Variants in MAN2C1 observed in about 807,000 individuals in gnomAD.
The protein encoded by MAN2C1 is alpha-mannosidase 2C1.
In MAN2C1, 111 loss-of-function variants were observed where a neutral mutation model predicts 126.9. That is an observed-to-expected ratio of 0.87 (90% CI 0.75 to 1.02). The LOEUF (loss-of-function observed/expected upper bound fraction) is 1.02. Among genes scored for constraint, MAN2C1 ranks in the 50% least tolerant of loss-of-function variants. The probability of loss-of-function intolerance (pLI) is 0.00; values close to 1 mark genes in which losing one functional copy is unlikely to be tolerated. For synonymous variants in MAN2C1, 567 were observed against 561.5 expected, an observed-to-expected ratio of 1.01 and a Z score of -0.14; for missense variants, 1,363 against 1,364.4, an observed-to-expected ratio of 1.00 and a Z score of 0.02.
rs766818364 is a variant in MAN2C1 at position 75,361,633 on chromosome 15, A to G, written c.1189T>C (p.Leu397=). The G allele has an allele frequency of 4.3e-6, 7 of 1,613,934 alleles. No homozygotes were observed. The highest frequency in any genetic ancestry group is 3.3e-5 in the Admixed American group (2 of 60,010). The change falls in exon 10 of 26, where the codon TTG becomes CTG. Residue 397 remains leucine (L), a synonymous_variant. Coordinates refer to ENST00000267978, the MANE Select transcript of MAN2C1 (RefSeq NM_006715.4). This position sits in a 1 kb window ranked among gnomAD's most constrained non-coding sequence, Gnocchi z 5.0. ...AAGGAGTTCACCAAATTCCAGCTCAATTTCTGGGTGAGAAAGCGCCTGATG... is the reference window on the plus strand; with the variant it reads ...AAGGAGTTCACCAAATTCCAGCTCAGTTTCTGGGTGAGAAAGCGCCTGATG... ...CGIRRFLTQK[L]SWNLVNSFPH...
intron 12 of MAN2C1, 156 bp downstream of exon 12, chr15:75,360,890 C>T (rs538032429): frequency 2.5e-6 from 3 of 1,210,728 alleles, no homozygotes; most frequent in South Asian, 1.6e-5. Context: ...GCTTCTCCCC[C>T]ACCCACCCCC....
At chr15:75,367,730 G>A in intron 2 of MAN2C1, 96 bp from the exon 3 acceptor site, 1 of 1,483,360 alleles carries the variant, frequency 6.7e-7, no homozygotes, top group South Asian at 1.2e-5. Flanking sequence ...AACTCTCCAA[G>A]CATCTGCAGT....
In MAN2C1 at chr15:75,356,745, A is replaced by T; in HGVS notation, c.2657+48T>A. ...AGCTGTTGGAGTTGTGGTCGGGAAG[A>T]CCCATTTCTCCATGCCAGCTCCCAG... is the stretch of plus-strand genomic sequence containing the variant. On this transcript the variant is annotated intron_variant, in intron 22 of 25. Coordinates refer to ENST00000267978, the MANE Select transcript of MAN2C1 (RefSeq NM_006715.4). The surrounding 1 kb of genome is among the most constrained non-coding windows in gnomAD (Gnocchi z 5.8). 6.2e-7 allele frequency: 1 copy of T among 1,612,480 alleles called. No homozygotes were observed. The highest frequency in any genetic ancestry group is 8.5e-7 in the Non-Finnish European group (1 of 1,178,926).
chr15:75,356,702 G>A lies in MAN2C1; in HGVS notation c.2658-17C>T, dbSNP rs1370675709. 17 of 1,607,260 alleles carry A rather than the reference G, an allele frequency of 1.1e-5. No individual in the cohort carries two copies. The highest frequency in any genetic ancestry group is 3.3e-5 in the South Asian group (3 of 90,332). On this transcript the variant is annotated splice_polypyrimidine_tract_variant and intron_variant, in intron 22 of 25. Transcript: ENST00000267978. The surrounding 1 kb of genome is among the most constrained non-coding windows in gnomAD (Gnocchi z 5.8). ...GCCCGCAAGCTGGGGTGAGGAGGGC[G>A]CGTAGGGGCCACGCTGAAGCTGTTG...
rs758519923 is a variant in MAN2C1, at chr15:75,356,378, G to A, written c.2809C>T (p.Pro937Ser). 7 of 1,611,766 alleles carry A rather than the reference G, an allele frequency of 4.3e-6. No homozygotes were observed. The East Asian group carries it at 1.3e-4, about 31-fold the overall frequency. The change falls in exon 24 of 26, where the codon CCC (proline) becomes TCC (serine). Residue 937 changes from proline to serine, a missense_variant. This residue lies in a region of MAN2C1 where 668 missense variants were observed against 650.1 expected (regional missense o/e 1.03). Coordinates refer to ENST00000267978, the MANE Select transcript of MAN2C1 (RefSeq NM_006715.4). This position sits in a 1 kb window ranked among gnomAD's most constrained non-coding sequence, Gnocchi z 5.8. ...CAGGAGGTGGCGGGCGCTGGGCTGG[G>A]GGCTGGCAGAGCCAACAGGGGGAAG... ...LNFPLLALPA[P>S]SPAPATSWSA...
At position 75,358,627 on chromosome 15, in the gene MAN2C1, CA is replaced by C. The variant is rs1567274031; in HGVS notation, c.2247-10del. The C allele has an allele frequency of 6.2e-7, 1 of 1,612,600 alleles. No individual in the cohort carries two copies. Among genetic ancestry groups the C allele is most frequent in the South Asian group, 1.1e-5 (1 of 91,008 alleles). ...GGCCCAGCACAGGCTTCCTATGGGA[CA>C]GGGGTGGACATACTGATCCAGAGCA... On this transcript the variant is annotated splice_polypyrimidine_tract_variant and intron_variant, in intron 19 of 25. Coordinates refer to ENST00000267978, the MANE Select transcript of MAN2C1 (RefSeq NM_006715.4).
chr15:75,364,856 T>C (rs748079290), intron 4 of MAN2C1, among the ~76,000 whole-genome samples, 191 bp from the exon 5 acceptor site: 2 of 152,220 alleles, frequency 1.3e-5, no homozygotes, highest in Non-Finnish European at 2.9e-5. Context: ...ATGGATCCCA[T>C]GTCTTGCTGT....
Position 75,363,934 on chromosome 15 carries a change from G to C in MAN2C1, c.790+65C>G, listed in dbSNP as rs779514784. 6 of 1,558,046 alleles carry C rather than the reference G, an allele frequency of 3.9e-6. No individual in the cohort carries two copies. In the African/African-American group the frequency reaches 6.8e-5, roughly 18 times the overall value. On this transcript the variant is annotated intron_variant, in intron 6 of 25. Transcript: ENST00000267978. ...TGCTGAGCATCACACAGTGCTTCTA[G>C]GGCACATCCAGGTCTTCAAGGGCAC...
intron 1 of MAN2C1, 64 bp downstream of exon 1, chr15:75,368,419 C>T: frequency 6.6e-7 from 1 of 1,506,094 alleles, no homozygotes; most frequent in Non-Finnish European, 9.0e-7. Flanking sequence ...TAGGTTTCTC[C>T]CCGGAAGGAA....
intron 4 of MAN2C1, among the ~76,000 whole-genome samples, chr15:75,366,308 C>T (rs1401001514): frequency 6.6e-6 from 1 of 152,242 alleles, no homozygotes; most frequent in Non-Finnish European, 1.5e-5. Context: ...GTGATCCTCC[C>T]ACTCAGCCTC....
Position 75,367,612 on chromosome 15 carries a change from C to T in MAN2C1, c.250G>A (p.Val84Met), listed in dbSNP as rs755653964. 4.3e-6 allele frequency: 7 copies of T among 1,614,178 alleles called. No individual in the cohort carries two copies. The highest frequency in any genetic ancestry group is 5.9e-6 in the Non-Finnish European group (7 of 1,180,022). Residue 84 changes from valine to methionine, a missense_variant, in exon 3 of 26, where the codon GTG becomes ATG. Around this residue, in one of 3 missense-constraint regions of MAN2C1, gnomAD observed 628 missense variants for 609.8 expected, o/e 1.03. Coordinates refer to ENST00000267978, the MANE Select transcript of MAN2C1 (RefSeq NM_006715.4). ...GPTWWTCWFRVELTIPEAWVG... is the reference protein window; with the variant it reads ...GPTWWTCWFRMELTIPEAWVG... ...CATGCCTCTGGGATGGTCAGCTCCA[C>T]CCGGAACCAGCAGGTCCACCATCTG...
In MAN2C1 at chr15:75,359,063, C is replaced by T. The variant is rs1304142021; in HGVS notation, c.2137G>A (p.Gly713Ser). ...RLTSLVLVAS[G>S]REAIAEGAVG... is the part of the protein sequence containing the mutation. ...AGGGCAATGAGGATTTGGCACCTGC[C>T]AGAGGCCACCAGGACCAAGGACGTC... The change falls in exon 18 of 26, where the codon GGC (glycine) becomes AGC (serine). Residue 713 changes from glycine to serine, a missense_variant. Physicochemically the swap from Gly to Ser is moderately conservative, Grantham distance 56. Transcript: ENST00000267978. 4 of 1,613,838 alleles carry T rather than the reference C, an allele frequency of 2.5e-6. No individual in the cohort carries two copies. The highest frequency in any genetic ancestry group is 3.4e-6 in the Non-Finnish European group (4 of 1,179,942).
chr15:75,355,977 G>T lies in MAN2C1; in HGVS notation c.3052C>A (p.Arg1018Ser). The T allele has an allele frequency of 1.2e-6, 2 of 1,614,106 alleles. No individual in the cohort carries two copies. The highest frequency in any genetic ancestry group is 1.7e-6 in the Non-Finnish European group (2 of 1,179,974). ...AAGGGAGAAAAGGTGAGCTTCAGGC[G>T]GTTGTCCCGAAGGGTCAAGTGGCCA... The part of the protein sequence containing the change: ...PAGHLTLRDN[R>S]LKLTFSPFQV... The change falls in exon 26 of 26, where the codon CGC becomes AGC. Residue 1018 changes from arginine to serine, a missense_variant. Physicochemically the swap from Arg to Ser is moderately radical, Grantham distance 110. Transcript: ENST00000267978.
chr15:75,366,006 G>A (rs751865214), intron 4 of MAN2C1: 9 of 408,636 alleles, frequency 2.2e-5, no homozygotes, highest in Non-Finnish European at 2.5e-5. Flanking sequence ...AGAATCGCTT[G>A]AACCTGGGAG....
rs772670093 is a variant in MAN2C1 at position 75,358,264 on chromosome 15, G to C, written c.2484C>G (p.Ile828Met). ...TAGGTCGCTGCAGGTGCCCAAACTG[G>C]ATCTCATAGGTGGCCTGGGAACTCC... ...RVRSSQATYE[I>M]QFGHLQRPTH... The change falls in exon 21 of 26, where the codon ATC (isoleucine) becomes ATG (methionine). Residue 828 changes from isoleucine (I) to methionine (M), a missense_variant. By Grantham distance (10) the Ile-to-Met change is conservative. Coordinates refer to ENST00000267978, the MANE Select transcript of MAN2C1 (RefSeq NM_006715.4). 5 of 1,614,056 alleles carry C rather than the reference G, an allele frequency of 3.1e-6. No homozygotes were observed. Among genetic ancestry groups the C allele is most frequent in the Non-Finnish European group, 3.4e-6 (4 of 1,180,048 alleles).
rs754285646 is a variant in MAN2C1 at position 75,359,812 on chromosome 15, G to A, written c.1793-37C>T. On this transcript the variant is annotated intron_variant, in intron 15 of 25. Transcript: ENST00000267978. Reference sequence around the variant, plus strand: ...CTGGCTGGTCATAGGTGGGCAACAGGTCTGGAATGTGCCCATGGGTATCCC... The same window carrying A: ...CTGGCTGGTCATAGGTGGGCAACAGATCTGGAATGTGCCCATGGGTATCCC... 30 of 1,613,412 alleles carry A rather than the reference G, an allele frequency of 1.9e-5. 1 individual carries two copies. The South Asian group carries it at 3.3e-4, about 18-fold the overall frequency.
chr15:75,366,273 T>C (rs1012832245), intron 4 of MAN2C1, among the ~76,000 whole-genome samples: 1 of 152,262 alleles, frequency 6.6e-6, no homozygotes, highest in East Asian at 1.9e-4. Flanking sequence ...CATGGCTCAC[T>C]GCAGCCTCAT....
At chr15:75,368,443 C>T (rs1567291335) in intron 1 of MAN2C1, 40 bp downstream of exon 1, 2 of 1,523,842 alleles carry the variant, frequency 1.3e-6, no homozygotes, top group Non-Finnish European at 1.8e-6. Flanking sequence ...TTGAGGCGCA[C>T]GGTTGCGGTC....
intron 5 of MAN2C1, 94 bp from the exon 6 acceptor site, chr15:75,364,282 A>AC: frequency 7.3e-7 from 1 of 1,378,014 alleles, no homozygotes; most frequent in Non-Finnish European, 9.6e-7. Context: ...AGCTCCCCTG[A>AC]CCCCCAACCC....
Sources: gnomAD v4.1 joint callset for allele counts (sites outside exome capture counted in the v4.1 genomes callset) on GRCh38, gnomAD v4.1.1 for gene constraint, gnomAD v4.1.1 regional missense constraint, Gnocchi (gnomAD v3.1) non-coding constraint, MANE v1.5 for transcripts, NCBI Gene and HGNC (gene_info 2026-07-23, HGNC 2026-07-21) for gene names.